Variants in SLC9C1 observed in about 807,000 individuals in gnomAD.
The protein encoded by SLC9C1 is sodium/hydrogen exchanger 10.
SLC9C1 carries 97 observed loss-of-function variants against 140.9 expected under a neutral mutation model. The observed-to-expected ratio is 0.69, with a 90% CI of 0.58 to 0.82. The LOEUF (loss-of-function observed/expected upper bound fraction) is 0.82. SLC9C1 is among the 40% of genes least tolerant of loss of function. The probability of loss-of-function intolerance (pLI) is 0.00; values close to 1 mark genes in which losing one functional copy is unlikely to be tolerated. For synonymous variants in SLC9C1, 440 were observed against 442.6 expected, an observed-to-expected ratio of 0.99 and a Z score of 0.07; for missense variants, 1,340 against 1,389.3, an observed-to-expected ratio of 0.96 and a Z score of 0.56.
intron 7 of SLC9C1, 43 bp from the exon 8 acceptor site, chr3:112,266,383 C>A: frequency 7.0e-7 from 1 of 1,423,126 alleles, no homozygotes; most frequent in South Asian, 1.3e-5. Flanking sequence ...AATTTAACAT[C>A]AACAGCAGCA....
chr3:112,174,581 A>G (rs2077302655), intron 23 of SLC9C1, among the ~76,000 whole-genome samples: 1 of 152,110 alleles, frequency 6.6e-6, no homozygotes, highest in South Asian at 2.1e-4. Context: ...GCAGTTGTGG[A>G]TGGAGCAACT....
At chr3:112,194,539 A>G (rs2077730774) in intron 20 of SLC9C1, among the ~76,000 whole-genome samples, 1 of 152,210 alleles carries the variant, frequency 6.6e-6, no homozygotes. Flanking sequence ...ATGTCACTGT[A>G]AATTAATTGG....
At chr3:112,206,657 G>A (rs1019610181) in intron 16 of SLC9C1, among the ~76,000 whole-genome samples, 9 of 152,030 alleles carry the variant, frequency 5.9e-5, no homozygotes, top group Non-Finnish European at 1.0e-4. Context: ...GGAATACTAC[G>A]CAGCCATAAA....
At chr3:112,233,929 C>T (rs967163027) in intron 12 of SLC9C1, among the ~76,000 whole-genome samples, 1 of 152,140 alleles carries the variant, frequency 6.6e-6, no homozygotes, top group African/African-American at 2.4e-5. Flanking sequence ...TGAATAGTGC[C>T]ACAGTAAACA....
chr3:112,236,090 A>G (rs965191957), intron 12 of SLC9C1, among the ~76,000 whole-genome samples: 1 of 152,106 alleles, frequency 6.6e-6, no homozygotes, highest in Non-Finnish European at 1.5e-5. Context: ...CTGTGAATCC[A>G]TCTGGTCCTG....
At chr3:112,209,254 T>C (rs13314792) in intron 15 of SLC9C1, among the ~76,000 whole-genome samples, 44,518 of 152,004 alleles carry the variant, frequency 0.29, 6,686 homozygotes, top group East Asian at 0.35. Context: ...TAATATATAG[T>C]CTGTGCTCAC....
At chr3:112,252,780 C>A (rs1181423280) in intron 10 of SLC9C1, among the ~76,000 whole-genome samples, 1 of 152,152 alleles carries the variant, frequency 6.6e-6, no homozygotes, top group African/African-American at 2.4e-5. Context: ...CAAAGCACTG[C>A]TGCCCTTGGG....
Position 112,144,256 on chromosome 3 carries a change from C to A in SLC9C1, c.3525-2975G>T, listed in dbSNP as rs973930429. 2.1e-5 allele frequency among the ~76,000 whole-genome samples: 3 copies of A among 145,040 alleles called. No individual in the cohort carries two copies. In the Admixed American group the frequency reaches 2.2e-4, roughly 10 times the overall value. On this transcript the variant is annotated intron_variant, in intron 28 of 28. Transcript: ENST00000305815. The stretch of plus-strand genomic sequence containing the variant: ...GCAATGGTGTGATCTTGGCTCACTG[C>A]AACCTCCGCCTCCTGGGTTCAAGCA...
intron 28 of SLC9C1, among the ~76,000 whole-genome samples, chr3:112,143,237 A>T (rs74855271): frequency 1.9e-4 from 3 of 15,722 alleles, no homozygotes; most frequent in African/African-American, 5.3e-4. Context: ...TAATTTGTGT[A>T]TATATATATA....
intron 23 of SLC9C1, 78 bp from the exon 24 acceptor site, chr3:112,169,406 C>T: frequency 7.3e-7 from 1 of 1,374,930 alleles, no homozygotes; most frequent in East Asian, 2.3e-5. Context: ...TGTTTATGTA[C>T]ACTATTAAAG....
At chr3:112,152,394 C>A (rs2075010674) in intron 27 of SLC9C1, among the ~76,000 whole-genome samples, 1 of 152,160 alleles carries the variant, frequency 6.6e-6, no homozygotes, top group Admixed American at 6.5e-5. Context: ...AGCAGTATTG[C>A]TGCCAGCATG....
intron 1 of SLC9C1, among the ~76,000 whole-genome samples, chr3:112,288,486 C>G (rs758873822): frequency 1.2e-4 from 19 of 152,212 alleles, no homozygotes; most frequent in Non-Finnish European, 2.5e-4. Flanking sequence ...GGCTGGCATA[C>G]TGGCCCATGC....
At chr3:112,258,131 G>C (rs2079662965) in intron 10 of SLC9C1, among the ~76,000 whole-genome samples, 1 of 152,126 alleles carries the variant, frequency 6.6e-6, no homozygotes, top group African/African-American at 2.4e-5. Flanking sequence ...AAAGCAGTGT[G>C]GCAATTCTTC....
At chr3:112,202,195 T>A in intron 18 of SLC9C1, 55 bp downstream of exon 18, 1 of 1,585,762 alleles carries the variant, frequency 6.3e-7, no homozygotes, top group Non-Finnish European at 8.6e-7. Flanking sequence ...AAATGATGGA[T>A]GAGGGCAACT....
At position 112,286,849 on chromosome 3, in the gene SLC9C1, A is replaced by C. The variant is rs1576533918; in HGVS notation, c.-58T>G. The C allele has an allele frequency of 8.1e-7, 1 of 1,227,980 alleles. No individual in the cohort carries two copies. Among genetic ancestry groups the C allele is most frequent in the East Asian group, 2.5e-5 (1 of 39,758 alleles). The allele number at this position is 1,227,980 out of a possible 1,614,324, so 76.1% of individuals were successfully genotyped here. A position where few individuals can be genotyped will look rare whatever the true frequency, so the allele number is the denominator to read the frequency against. On this transcript the variant is annotated 5_prime_UTR_variant, in exon 2 of 29. The change abolishes an upstream ATG in the 5' untranslated region. Coordinates refer to ENST00000305815, the MANE Select transcript of SLC9C1 (RefSeq NM_183061.3). ...AGAAGCAATCTCCATATGATCATCC[A>C]TCTTGTTGTTTTTCACAGTCCATCT...
chr3:112,275,024 C>T lies in SLC9C1; in HGVS notation c.486G>A (p.Gly162=). 6.4e-7 allele frequency: 1 copy of T among 1,558,430 alleles called. No homozygotes were observed. The highest frequency in any genetic ancestry group is 1.3e-5 in the South Asian group (1 of 79,358). Residue 162 remains glycine, a splice_region_variant and synonymous_variant, in exon 6 of 29, where the codon GGG becomes GGA. Transcript: ENST00000305815. ...TTAAACTGATGAGGCTTCTAGAAAGCCCTACATATGTTGAGGGGGAAAGAT... is the reference window on the plus strand; with the variant it reads ...TTAAACTGATGAGGCTTCTAGAAAGTCCTACATATGTTGAGGGGGAAAGAT... The part of the protein sequence containing the change: ...MLTAAAIRDL[G]LSRSLISLIN...
rs574600967 is a variant in SLC9C1, at chr3:112,202,184, A to T, written c.2322+66T>A. 23 of 1,568,992 alleles carry T rather than the reference A, an allele frequency of 1.5e-5. No individual in the cohort carries two copies. The African/African-American group carries it at 3.2e-4, about 22-fold the overall frequency. On this transcript the variant is annotated intron_variant, in intron 18 of 28. Transcript: ENST00000305815. ...AGACATCTGCATATATGAACAGAAA[A>T]AAATGATGGATGAGGGCAACTGAGG...
At chr3:112,168,722 G>T (rs2077187302) in intron 25 of SLC9C1, among the ~76,000 whole-genome samples, 155 bp downstream of exon 25, 1 of 152,180 alleles carries the variant, frequency 6.6e-6, no homozygotes, top group African/African-American at 2.4e-5. Context: ...ATGTGGGTGT[G>T]GTTGTGGGTA....
intron 26 of SLC9C1, 120 bp downstream of exon 26, chr3:112,167,101 C>T: frequency 2.9e-6 from 3 of 1,028,814 alleles, no homozygotes; most frequent in South Asian, 1.6e-5. Context: ...GCAAATATGG[C>T]AGTTAAAAGG....
Sources: allele counts gnomAD v4.1 joint callset (sites outside exome capture counted in the v4.1 genomes callset), GRCh38; gene constraint gnomAD v4.1.1; transcripts MANE v1.5; gene names NCBI Gene and HGNC (gene_info 2026-07-23, HGNC 2026-07-21).